Variants in NEIL3 observed in about 807,000 individuals in gnomAD.
NEIL3 encodes nei like DNA glycosylase 3, also known as endonuclease 8-like 3.
Under a neutral mutation model 57.5 loss-of-function variants are expected in NEIL3, and 48 were observed. The observed-to-expected ratio is 0.83, with a 90% CI of 0.66 to 1.06. The LOEUF is 1.06. Ranked by LOEUF, NEIL3 falls within the 50% of genes least tolerant of loss-of-function variation. The probability of loss-of-function intolerance (pLI) is 0.00; values close to 1 mark genes in which losing one functional copy is unlikely to be tolerated. For synonymous variants in NEIL3, 261 were observed against 253.2 expected, an observed-to-expected ratio of 1.03 and a Z score of -0.29; for missense variants, 717 against 739.1, an observed-to-expected ratio of 0.97 and a Z score of 0.35.
chr4:177,346,112 C>T (rs1735215652), intron 6 of NEIL3, among the ~76,000 whole-genome samples: 1 of 152,172 alleles, frequency 6.6e-6, no homozygotes, highest in Admixed American at 6.5e-5. Flanking sequence ...TCTTGAAAAT[C>T]ACCTATTTCC....
intron 8 of NEIL3, among the ~76,000 whole-genome samples, chr4:177,356,446 A>C (rs943516906): frequency 6.6e-6 from 1 of 152,202 alleles, no homozygotes; most frequent in South Asian, 2.1e-4. Context: ...GTGATGAAAT[A>C]AATTCACCCA....
chr4:177,315,048 A>G lies in NEIL3; in HGVS notation c.156+4939A>G, dbSNP rs182659393. Among the ~76,000 whole-genome samples, 328 of 145,342 alleles carry G rather than the reference A, an allele frequency of 2.3e-3. 8 individuals are homozygous for G. The South Asian group carries it at 0.048, about 21-fold the overall frequency. On this transcript the variant is annotated intron_variant, in intron 1 of 9. Transcript: ENST00000264596. Reference sequence around the variant, plus strand: ...CGCGCCACTGCACTCGAGCCTGGGCAACAGAGCGAGACTCCGTCTCAAAAA... The same window carrying G: ...CGCGCCACTGCACTCGAGCCTGGGCGACAGAGCGAGACTCCGTCTCAAAAA...
intron 1 of NEIL3, among the ~76,000 whole-genome samples, chr4:177,312,722 G>T (rs560426654): frequency 6.6e-6 from 1 of 152,098 alleles, no homozygotes. Flanking sequence ...TTAAAAATTG[G>T]AATAGGTCTT....
intron 2 of NEIL3, among the ~76,000 whole-genome samples, chr4:177,335,403 G>C (rs1432997225): frequency 2.0e-5 from 3 of 152,136 alleles, no homozygotes; most frequent in Non-Finnish European, 4.4e-5. Flanking sequence ...AAGAGGAGCA[G>C]GGGTGTATTT....
chr4:177,360,741 C>A, intron 9 of NEIL3, 64 bp downstream of exon 9: 1 of 1,241,022 alleles, frequency 8.1e-7, no homozygotes. Flanking sequence ...TAATGTATAA[C>A]AAATAGCAAT....
In NEIL3 at chr4:177,335,686, A is replaced by C. The variant is rs201922334; in HGVS notation, c.279-2A>C. On this transcript the variant is annotated splice_acceptor_variant, in intron 2 of 9. Transcript: ENST00000264596. LOFTEE classifies it high-confidence loss of function. ...CTCAAAAATGGTTTGATTTTGTTTC[A>C]GGATTCATTTCGGAATGAAAGGCTT... 2 of 1,609,110 alleles carry C rather than the reference A, an allele frequency of 1.2e-6. No homozygotes were observed. Among genetic ancestry groups the C allele is most frequent in the Non-Finnish European group, 1.7e-6 (2 of 1,178,088 alleles).
chr4:177,370,310 C>G, the NEIL3 span, among the ~76,000 whole-genome samples: 1 of 152,118 alleles, frequency 6.6e-6, no homozygotes, highest in Non-Finnish European at 1.5e-5. Context: ...TAATCTCTTT[C>G]TCTCTCTACT....
chr4:177,319,666 A>T (rs573502118), intron 1 of NEIL3, among the ~76,000 whole-genome samples: 1 of 152,180 alleles, frequency 6.6e-6, no homozygotes, highest in Non-Finnish European at 1.5e-5. Context: ...TTTACATCAG[A>T]TGTAACTTAT....
At chr4:177,325,075 C>T (rs953291005) in intron 2 of NEIL3, among the ~76,000 whole-genome samples, 5 of 151,984 alleles carry the variant, frequency 3.3e-5, no homozygotes, top group South Asian at 2.1e-4. Flanking sequence ...GCTCAGAGAC[C>T]AGAAACTATA....
chr4:177,352,204 T>TA (rs1279934277), intron 7 of NEIL3, among the ~76,000 whole-genome samples: 1 of 152,216 alleles, frequency 6.6e-6, no homozygotes, highest in Non-Finnish European at 1.5e-5. Flanking sequence ...ATTCCTGACT[T>TA]ACGCACCCCT....
downstream of NEIL3, among the ~76,000 whole-genome samples, chr4:177,367,493 A>G (rs1389712705): frequency 6.6e-6 from 1 of 152,004 alleles, no homozygotes; most frequent in East Asian, 1.9e-4. Flanking sequence ...AGTTGGGGAG[A>G]GCAGATGTCT....
At position 177,327,207 on chromosome 4, in the gene NEIL3, G is replaced by A. The variant is rs143994366; in HGVS notation, c.278+4627G>A. Among the ~76,000 whole-genome samples the A allele has an allele frequency of 3.9e-3, 600 of 152,206 alleles. 6 individuals are homozygous for A. Among genetic ancestry groups the A allele is most frequent in the African/African-American group, 0.013 (554 of 41,540 alleles). On this transcript the variant is annotated intron_variant, in intron 2 of 9. Coordinates refer to ENST00000264596, the MANE Select transcript of NEIL3 (RefSeq NM_018248.3). ...TTTCCTGAGACCTCCCAAACCATGT[G>A]GAACTGCGAGTCAATTAAGCCTCTT...
intron 1 of NEIL3, among the ~76,000 whole-genome samples, chr4:177,318,151 T>C (rs1175761404): frequency 2.0e-5 from 3 of 152,180 alleles, no homozygotes; most frequent in Non-Finnish European, 4.4e-5. Flanking sequence ...ATTTACCACA[T>C]AGGAATTCCC....
intron 6 of NEIL3, among the ~76,000 whole-genome samples, chr4:177,345,711 A>T (rs1735208296): frequency 8.3e-6 from 1 of 119,924 alleles, no homozygotes; most frequent in South Asian, 2.7e-4. Context: ...TTTTCTTGAG[A>T]CAGAGTCTCA....
chr4:177,350,833 C>T lies in NEIL3; in HGVS notation c.870-547C>T, dbSNP rs534440314. On this transcript the variant is annotated intron_variant, in intron 6 of 9. Coordinates refer to ENST00000264596, the MANE Select transcript of NEIL3 (RefSeq NM_018248.3). ...TTAGTTGGTTTAAAAAAAAGCTACT[C>T]GATTATTTGACTCTAAATAACTTTT... Among the ~76,000 whole-genome samples the T allele has an allele frequency of 9.2e-5, 14 of 152,044 alleles. No individual in the cohort carries two copies. The South Asian group carries it at 1.2e-3, about 14-fold the overall frequency.
chr4:177,319,459 T>C (rs1341666661), intron 1 of NEIL3, among the ~76,000 whole-genome samples: 1 of 152,142 alleles, frequency 6.6e-6, no homozygotes, highest in Non-Finnish European at 1.5e-5. Context: ...TAATTTCTTA[T>C]TTTTAATTAC....
At chr4:177,370,937 C>CA in the NEIL3 span, among the ~76,000 whole-genome samples, 17 of 140,230 alleles carry the variant, frequency 1.2e-4, no homozygotes, top group East Asian at 4.1e-4. Context: ...AAAGTGAAGA[C>CA]AAAAAAAAAA....
chr4:177,320,762 G>C (rs1044818204), intron 1 of NEIL3, among the ~76,000 whole-genome samples: 2 of 151,854 alleles, frequency 1.3e-5, no homozygotes, highest in East Asian at 3.9e-4. Flanking sequence ...CCACCGCGCC[G>C]GGCCTGCTGT....
chr4:177,336,736 T>G lies in NEIL3; in HGVS notation c.627+415T>G, dbSNP rs77191890. 9.1e-3 allele frequency among the ~76,000 whole-genome samples: 1,379 copies of G among 152,336 alleles called. 22 individuals are homozygous for G. Among genetic ancestry groups the G allele is most frequent in the African/African-American group, 0.032 (1,310 of 41,568 alleles). ...CTAGAACGTGACCTGTGGTGTATGGTAGGCATTAGATATTAATATTTGTGG... is the reference window on the plus strand; with the variant it reads ...CTAGAACGTGACCTGTGGTGTATGGGAGGCATTAGATATTAATATTTGTGG... On this transcript the variant is annotated intron_variant, in intron 4 of 9. Transcript: ENST00000264596.
Sources: allele counts gnomAD v4.1 joint callset (sites outside exome capture counted in the v4.1 genomes callset), GRCh38; gene constraint gnomAD v4.1.1; transcripts MANE v1.5; gene names NCBI Gene and HGNC (gene_info 2026-07-23, HGNC 2026-07-21).